GRM3: variants seen among roughly 807,000 people sequenced by gnomAD.
GRM3 encodes the protein glutamate metabotropic receptor 3, also known as metabotropic glutamate receptor 3.
A neutral mutation model predicts 70.5 loss-of-function variants in GRM3; 26 were observed. The observed-to-expected ratio is 0.37, with a 90% CI of 0.27 to 0.51. GRM3 has a LOEUF of 0.51. GRM3 is among the 20% of genes least tolerant of loss of function. The probability of loss-of-function intolerance (pLI) is 0.93; values close to 1 mark genes in which losing one functional copy is unlikely to be tolerated. For synonymous variants in GRM3, 443 were observed against 434.9 expected (o/e 1.02, Z -0.23); for missense variants, 859 against 1,123.8 (o/e 0.76, Z 3.37).
At chr7:86,765,722 A>C in intron 2 of GRM3, 109 bp downstream of exon 2, 1 of 835,786 alleles carries the variant, frequency 1.2e-6, no homozygotes, top group Non-Finnish European at 1.8e-6. Context: ...TATATCAACA[A>C]TGCAATTATT....
chr7:86,849,039 GA>G (rs1478035218), intron 4 of GRM3, among the ~76,000 whole-genome samples: 4 of 152,144 alleles, frequency 2.6e-5, no homozygotes, highest in African/African-American at 9.7e-5. Flanking sequence ...AAGAGTTACA[GA>G]AATGCTTTTA....
At chr7:86,728,302 A>G (rs754445443) in intron 1 of GRM3, among the ~76,000 whole-genome samples, 2 of 152,174 alleles carry the variant, frequency 1.3e-5, no homozygotes, top group African/African-American at 2.4e-5. Flanking sequence ...ACCACAGACT[A>G]TCAAAGACAG....
chr7:86,858,394 G>A (rs1221181870), intron 5 of GRM3, among the ~76,000 whole-genome samples: 1 of 152,148 alleles, frequency 6.6e-6, no homozygotes, highest in Non-Finnish European at 1.5e-5. Flanking sequence ...GATTGGAGGT[G>A]GTGTCTTTGG....
chr7:86,804,502 C>T (rs753522304), intron 3 of GRM3, among the ~76,000 whole-genome samples: 8 of 152,142 alleles, frequency 5.3e-5, no homozygotes, highest in East Asian at 1.9e-4. Flanking sequence ...CTCCACCTCC[C>T]GGGTTCAAGC....
chr7:86,857,131 G>GT (rs57272959), intron 5 of GRM3, among the ~76,000 whole-genome samples: 16,659 of 142,366 alleles, frequency 0.12, 1,053 homozygotes, highest in African/African-American at 0.19. Flanking sequence ...AAATTCAATG[G>GT]TTTTTTTTTT....
At chr7:86,762,642 C>A (rs1415910982) in intron 1 of GRM3, among the ~76,000 whole-genome samples, 1 of 152,064 alleles carries the variant, frequency 6.6e-6, no homozygotes, top group Non-Finnish European at 1.5e-5. Context: ...GCAAACATTT[C>A]TTGAACAAAC....
At chr7:86,824,404 A>C (rs978907413) in intron 3 of GRM3, among the ~76,000 whole-genome samples, 3 of 152,258 alleles carry the variant, frequency 2.0e-5, no homozygotes, top group Non-Finnish European at 4.4e-5. Context: ...AGATCCCATC[A>C]TCAATAGTTT....
chr7:86,668,485 G>A (rs771600134), intron 1 of GRM3, among the ~76,000 whole-genome samples: 4 of 151,974 alleles, frequency 2.6e-5, no homozygotes, highest in Non-Finnish European at 4.4e-5. Flanking sequence ...CCCTTTGATC[G>A]TGTTGTTTGG....
intron 1 of GRM3, among the ~76,000 whole-genome samples, chr7:86,681,457 T>A (rs893341505): frequency 6.6e-6 from 1 of 152,184 alleles, no homozygotes; most frequent in African/African-American, 2.4e-5. Flanking sequence ...ATAGAAAGAA[T>A]AAGACATTAA....
intron 1 of GRM3, among the ~76,000 whole-genome samples, chr7:86,672,055 AT>A (rs1794185475): frequency 6.6e-6 from 1 of 152,096 alleles, no homozygotes; most frequent in Admixed American, 6.6e-5. Flanking sequence ...CCACTGTTTT[AT>A]TTTTTTCCAC....
At chr7:86,732,123 G>A (rs1795748475) in intron 1 of GRM3, among the ~76,000 whole-genome samples, 1 of 151,990 alleles carries the variant, frequency 6.6e-6, no homozygotes, top group African/African-American at 2.4e-5. Context: ...TATTCTATAT[G>A]GACTATCTTT....
chr7:86,707,828 A>C (rs1282069482), intron 1 of GRM3, among the ~76,000 whole-genome samples: 1 of 152,128 alleles, frequency 6.6e-6, no homozygotes, highest in Non-Finnish European at 1.5e-5. Flanking sequence ...TAAACCTGGG[A>C]GACATAAACC....
chr7:86,792,790 G>A (rs980156345), intron 3 of GRM3, among the ~76,000 whole-genome samples: 3 of 152,082 alleles, frequency 2.0e-5, no homozygotes, highest in Non-Finnish European at 4.4e-5. Flanking sequence ...TAGGATTTTT[G>A]TTCTGCTTTG....
At position 86,677,848 on chromosome 7, in the gene GRM3, A is replaced by C. The variant is rs925161476; in HGVS notation, c.-141+32976A>C. ...ATGATCACATGAGAAATAATAATCT[A>C]AATAAATTATCGGAGCTGGTTAAAG... On this transcript the variant is annotated intron_variant, in intron 1 of 5. Transcript: ENST00000361669. Among the ~76,000 whole-genome samples, 6 of 152,002 alleles carry C rather than the reference A, an allele frequency of 3.9e-5. No individual in the cohort carries two copies. The East Asian group carries it at 1.2e-3, about 29-fold the overall frequency.
intron 1 of GRM3, among the ~76,000 whole-genome samples, chr7:86,703,198 C>A (rs564760927): frequency 2.0e-5 from 3 of 151,856 alleles, no homozygotes; most frequent in Middle Eastern, 6.8e-3. Flanking sequence ...ATTTTATAAT[C>A]ATCATATCTG....
At chr7:86,780,307 C>T (rs1797014085) in intron 2 of GRM3, among the ~76,000 whole-genome samples, 1 of 152,144 alleles carries the variant, frequency 6.6e-6, no homozygotes, top group South Asian at 2.1e-4. Flanking sequence ...AACAAACTTG[C>T]ACATTGTGCA....
rs544100783 is a variant in GRM3, at chr7:86,707,396, A to T, written c.-140-57610A>T. Among the ~76,000 whole-genome samples, 4 of 152,202 alleles carry T rather than the reference A, an allele frequency of 2.6e-5. No individual in the cohort carries two copies. In the East Asian group the frequency reaches 5.8e-4, roughly 22 times the overall value. On this transcript the variant is annotated intron_variant, in intron 1 of 5. Transcript: ENST00000361669. The stretch of plus-strand genomic sequence containing the variant: ...GATACCTCCTCCTAAGATTGCTGTG[A>T]TGAATTAAGGAGGGCTTCCGTGACA...
At chr7:86,773,529 T>G (rs1796799344) in intron 2 of GRM3, among the ~76,000 whole-genome samples, 1 of 151,966 alleles carries the variant, frequency 6.6e-6, no homozygotes. Context: ...AACCACCCCC[T>G]CACATAGTCT....
intron 4 of GRM3, among the ~76,000 whole-genome samples, chr7:86,848,945 A>G (rs1798707476): frequency 6.6e-6 from 1 of 152,180 alleles, no homozygotes; most frequent in African/African-American, 2.4e-5. Context: ...CAAAAATCAC[A>G]GTACAGCTTT....
Sources: allele counts gnomAD v4.1 joint callset (sites outside exome capture counted in the v4.1 genomes callset), GRCh38; gene constraint gnomAD v4.1.1; transcripts MANE v1.5; gene names NCBI Gene and HGNC (gene_info 2026-07-23, HGNC 2026-07-21).